ATP6V1B2: variants seen among roughly 807,000 people sequenced by gnomAD.
The protein encoded by ATP6V1B2 is V-type proton ATPase subunit B, brain isoform.
A neutral mutation model predicts 66.7 loss-of-function variants in ATP6V1B2; 23 were observed. That is an observed-to-expected ratio of 0.34 (90% CI 0.25 to 0.49). The LOEUF (loss-of-function observed/expected upper bound fraction) is 0.49. Ranked by LOEUF, ATP6V1B2 falls within the 20% of genes least tolerant of loss-of-function variation. The pLI is 0.99. For synonymous variants in ATP6V1B2, 278 were observed against 236.7 expected (o/e 1.17, Z -1.60); for missense variants, 478 against 650.8 (o/e 0.73, Z 2.89).
chr8:20,220,155 T>C lies in ATP6V1B2; in HGVS notation c.1397-108T>C, dbSNP rs189077476. 2,138 of 1,312,568 alleles carry C rather than the reference T, an allele frequency of 1.6e-3. 7 individuals are homozygous for C. The highest frequency in any genetic ancestry group is 8.6e-3 in the Middle Eastern group (43 of 5,008). 81.3% of individuals were successfully genotyped at this position (1,312,568 alleles called of 1,614,324 possible). On this transcript the variant is annotated intron_variant, in intron 13 of 13. Coordinates refer to ENST00000276390, the MANE Select transcript of ATP6V1B2 (RefSeq NM_001693.4). Reference sequence around the variant, plus strand: ...TAGTCTTGGGAGTCCCAACTTTTTTTTTTCAATATCTATTTAATACACTGC... The same window carrying C: ...TAGTCTTGGGAGTCCCAACTTTTTTCTTTCAATATCTATTTAATACACTGC...
At chr8:20,219,138 TC>T (rs1436950814) in intron 13 of ATP6V1B2, among the ~76,000 whole-genome samples, 2 of 152,214 alleles carry the variant, frequency 1.3e-5, no homozygotes, top group Non-Finnish European at 2.9e-5. Context: ...TGCTTTTGAA[TC>T]AGCTGGAGAT....
At chr8:20,205,205 T>C (rs2072726329) in intron 2 of ATP6V1B2, among the ~76,000 whole-genome samples, 1 of 152,174 alleles carries the variant, frequency 6.6e-6, no homozygotes, top group Non-Finnish European at 1.5e-5. Context: ...TTTTAATTGT[T>C]TTCTATATTC....
chr8:20,210,411 C>G lies in ATP6V1B2; in HGVS notation c.357C>G (p.Leu119=), dbSNP rs1204602479. Residue 119 remains leucine (L), a synonymous_variant, in exon 4 of 14, where the codon CTC becomes CTG. Transcript: ENST00000276390. ...KTSCEFTGDI[L]RTPVSEDMLG... ...CCTGTGAGTTTACTGGGGATATTCT[C>G]CGAACACCGGTGTCTGAGGATATGC... is the stretch of plus-strand genomic sequence containing the variant. The G allele has an allele frequency of 6.2e-7, 1 of 1,613,564 alleles. No individual in the cohort carries two copies.
At chr8:20,217,189 A>G (rs1382114878) in intron 11 of ATP6V1B2, 31 bp from the exon 12 acceptor site, 4 of 1,538,226 alleles carry the variant, frequency 2.6e-6, no homozygotes, top group Non-Finnish European at 3.6e-6. Context: ...GTACTTAAAT[A>G]TAGTATTTTT....
Position 20,220,364 on chromosome 8 carries a change from C to G in ATP6V1B2, c.1498C>G (p.Leu500Val), listed in dbSNP as rs756192990. The G allele has an allele frequency of 6.3e-7, 1 of 1,590,824 alleles. No individual in the cohort carries two copies. Among genetic ancestry groups the G allele is most frequent in the Non-Finnish European group, 8.5e-7 (1 of 1,171,804 alleles). The part of the protein sequence containing the change: ...EMLKRIPQST[L>V]SEFYPRDSAK... ...GCTGAAGAGAATCCCTCAGAGCACC[C>G]TCAGCGAATTTTACCCTCGAGACTC... Residue 500 changes from leucine to valine, a missense_variant, in exon 14 of 14, where the codon CTC becomes GTC. Coordinates refer to ENST00000276390, the MANE Select transcript of ATP6V1B2 (RefSeq NM_001693.4).
chr8:20,216,637 T>A lies in ATP6V1B2; in HGVS notation c.1161+142T>A, dbSNP rs535698195. ...TTTAATATGGTTATAAAATTGTCAT[T>A]TCTATTATCTTAAATTCTGGTGTCG... On this transcript the variant is annotated intron_variant, in intron 11 of 13. Transcript: ENST00000276390. 4.4e-6 allele frequency: 3 copies of A among 684,362 alleles called. No individual in the cohort carries two copies. The East Asian group carries it at 8.8e-5, about 20-fold the overall frequency. The allele number at this position is 684,362 out of a possible 1,614,324, so 42.4% of individuals were successfully genotyped here. A position where few individuals can be genotyped will look rare whatever the true frequency, so the allele number is the denominator to read the frequency against.
chr8:20,215,780 T>A (rs1020476992), intron 10 of ATP6V1B2: 1 of 152,298 alleles, frequency 6.6e-6, no homozygotes, highest in African/African-American at 2.4e-5. Context: ...CAAAATGATG[T>A]AATTTAACAG....
In ATP6V1B2 at chr8:20,218,107, A is replaced by G. The variant is rs779926637; in HGVS notation, c.1267-46A>G. The G allele has an allele frequency of 1.0e-5, 16 of 1,600,274 alleles. No individual in the cohort carries two copies. The Admixed American group carries it at 2.2e-4, about 22-fold the overall frequency. Reference sequence around the variant, plus strand: ...ATTCCTATATCCCAGATGACTGAACATTTTGAGAGCTTCTCTCTGCTGATG... The same window carrying G: ...ATTCCTATATCCCAGATGACTGAACGTTTTGAGAGCTTCTCTCTGCTGATG... On this transcript the variant is annotated intron_variant, in intron 12 of 13. Coordinates refer to ENST00000276390, the MANE Select transcript of ATP6V1B2 (RefSeq NM_001693.4).
chr8:20,202,282 G>C (rs1193728802), intron 1 of ATP6V1B2, among the ~76,000 whole-genome samples: 2 of 152,188 alleles, frequency 1.3e-5, no homozygotes, highest in Non-Finnish European at 2.9e-5. Flanking sequence ...TGGAGCTAGA[G>C]TGTACACATT....
At position 20,212,276 on chromosome 8, in the gene ATP6V1B2, G is replaced by A. The variant is rs990994875; in HGVS notation, c.803+77G>A. 9.4e-6 allele frequency: 13 copies of A among 1,390,034 alleles called. No homozygotes were observed. In the African/African-American group the frequency reaches 1.9e-4, roughly 20 times the overall value. 86.1% of individuals were successfully genotyped at this position (1,390,034 alleles called of 1,614,324 possible). A position where few individuals can be genotyped will look rare whatever the true frequency, so the allele number is the denominator to read the frequency against. On this transcript the variant is annotated intron_variant, in intron 8 of 13. Transcript: ENST00000276390. ...TGTCTTAAGGTTGGGGAGGTAAAAT[G>A]TGGTAATAACAGCATTTGGACCTAA...
chr8:20,209,386 G>A (rs1389858222), intron 2 of ATP6V1B2, 47 bp from the exon 3 acceptor site: 2 of 1,557,034 alleles, frequency 1.3e-6, no homozygotes, highest in East Asian at 4.5e-5. Context: ...GTAATTTGGG[G>A]GGCTTGTAAA....
chr8:20,198,279 C>A (rs2072649145), intron 1 of ATP6V1B2, among the ~76,000 whole-genome samples: 1 of 152,168 alleles, frequency 6.6e-6, no homozygotes, highest in South Asian at 2.1e-4. Context: ...CTCGCTGGGC[C>A]TTTTTCTACC....
chr8:20,201,134 C>T (rs2072681696), intron 1 of ATP6V1B2, among the ~76,000 whole-genome samples: 1 of 152,224 alleles, frequency 6.6e-6, no homozygotes, highest in Admixed American at 6.5e-5. Flanking sequence ...AGAATCAAAG[C>T]CAAGACATTT....
Position 20,218,932 on chromosome 8 carries a change from T to A in ATP6V1B2, c.1396+650T>A, listed in dbSNP as rs141598179. ...ACCTGCCTAGCAGTGCCCTTTCAATTTTTATCTACCTCTGCTATAATCATT... is the reference window on the plus strand; with the variant it reads ...ACCTGCCTAGCAGTGCCCTTTCAATATTTATCTACCTCTGCTATAATCATT... On this transcript the variant is annotated intron_variant, in intron 13 of 13. Coordinates refer to ENST00000276390, the MANE Select transcript of ATP6V1B2 (RefSeq NM_001693.4). Among the ~76,000 whole-genome samples, 978 of 152,308 alleles carry A rather than the reference T, an allele frequency of 6.4e-3. 5 individuals are homozygous for A. The highest frequency in any genetic ancestry group is 0.011 in the Non-Finnish European group (751 of 68,024).
intron 8 of ATP6V1B2, 84 bp downstream of exon 8, chr8:20,212,283 TAAC>T: frequency 7.8e-7 from 1 of 1,277,722 alleles, no homozygotes; most frequent in East Asian, 2.4e-5. Flanking sequence ...AATGTGGTAA[TAAC>T]AGCATTTGGA....
At chr8:20,219,820 T>C (rs2072890528) in intron 13 of ATP6V1B2, among the ~76,000 whole-genome samples, 1 of 152,176 alleles carries the variant, frequency 6.6e-6, no homozygotes, top group Non-Finnish European at 1.5e-5. Context: ...CTGGAGAGGG[T>C]TGCATGTATT....
At chr8:20,206,186 G>C (rs972053447) in intron 2 of ATP6V1B2, among the ~76,000 whole-genome samples, 5 of 152,200 alleles carry the variant, frequency 3.3e-5, no homozygotes, top group African/African-American at 1.2e-4. Flanking sequence ...GCTGTTCTCA[G>C]TATGTACTTC....
chr8:20,218,364 A>G (rs2072875412), intron 13 of ATP6V1B2, 82 bp downstream of exon 13: 6 of 1,534,128 alleles, frequency 3.9e-6, no homozygotes. Context: ...GAAAATTCTC[A>G]TTGGTTTCTA....
At chr8:20,215,512 G>T (rs1034096027) in intron 10 of ATP6V1B2, 1 of 152,176 alleles carries the variant, frequency 6.6e-6, no homozygotes, top group African/African-American at 2.4e-5. Context: ...CCTTATTTCA[G>T]TTTTTGAACA....
Sources: gnomAD v4.1 joint callset for allele counts (sites outside exome capture counted in the v4.1 genomes callset) on GRCh38, gnomAD v4.1.1 for gene constraint, MANE v1.5 for transcripts, NCBI Gene and HGNC (gene_info 2026-07-23, HGNC 2026-07-21) for gene names.